Variants in NRXN1 observed in about 807,000 individuals in gnomAD.
NRXN1 encodes the protein neurexin 1, also known as neurexin-1.
Under a neutral mutation model 150.9 loss-of-function variants are expected in NRXN1, and 39 were observed. The observed-to-expected ratio is 0.26, with a 90% CI of 0.20 to 0.34. The LOEUF (loss-of-function observed/expected upper bound fraction) is 0.34, where lower values mean the gene tolerates loss of function less well. Ranked by LOEUF, NRXN1 falls within the 10% of genes least tolerant of loss-of-function variation. The pLI is 1.00. For synonymous variants in NRXN1, 924 were observed against 757.0 expected (o/e 1.22, Z -3.62); for missense variants, 1,815 against 1,949.9 (o/e 0.93, Z 1.30).
intron 2 of NRXN1, among the ~76,000 whole-genome samples, chr2:50,971,168 A>T (rs1694932141): frequency 6.6e-6 from 1 of 152,194 alleles, no homozygotes; most frequent in Non-Finnish European, 1.5e-5. Context: ...TTCATATTTC[A>T]ATATTCACCT....
chr2:50,071,314 G>T (rs907231168), intron 19 of NRXN1, among the ~76,000 whole-genome samples: 2 of 152,170 alleles, frequency 1.3e-5, no homozygotes, highest in Non-Finnish European at 2.9e-5. Flanking sequence ...ACTGTTATGA[G>T]CTCAATTGTT....
intron 8 of NRXN1, among the ~76,000 whole-genome samples, chr2:50,564,025 G>A (rs1046359610): frequency 6.6e-6 from 1 of 152,140 alleles, no homozygotes; most frequent in Non-Finnish European, 1.5e-5. Flanking sequence ...GTATAAGTTT[G>A]TTCTGTAATT....
rs560383077 is a variant in NRXN1, at chr2:50,172,204, T to C, written c.3546+64585A>G. Among the ~76,000 whole-genome samples, 49 of 152,180 alleles carry C rather than the reference T, an allele frequency of 3.2e-4. 3 individuals carry two copies. The stretch of plus-strand genomic sequence containing the variant: ...TTATTAATAACATTTTTGGTGGTAT[T>C]GTCTTATGCTTGACTAATTTGTAAA... On this transcript the variant is annotated intron_variant, in intron 18 of 22. Coordinates refer to ENST00000401669, the MANE Select transcript of NRXN1 (RefSeq NM_001330078.2).
chr2:50,359,768 T>C lies in NRXN1; in HGVS notation c.3364+105674A>G, dbSNP rs188588067. Among the ~76,000 whole-genome samples the C allele has an allele frequency of 5.3e-3, 799 of 152,036 alleles. 4 individuals carry two copies. The highest frequency in any genetic ancestry group is 6.7e-3 in the Non-Finnish European group (459 of 68,006). On this transcript the variant is annotated intron_variant, in intron 17 of 22. Transcript: ENST00000401669. Reference sequence around the variant, plus strand: ...GGAAATACAGAGAACACCACAAAGATACTCCTCAAGAAGAGCAACCCCAAA... The same window carrying C: ...GGAAATACAGAGAACACCACAAAGACACTCCTCAAGAAGAGCAACCCCAAA...
At chr2:50,279,692 C>G (rs1374323176) in intron 17 of NRXN1, among the ~76,000 whole-genome samples, 1 of 151,182 alleles carries the variant, frequency 6.6e-6, no homozygotes, top group African/African-American at 2.4e-5. Flanking sequence ...TTAAATAGTG[C>G]TTGTTTATAG....
intron 8 of NRXN1, among the ~76,000 whole-genome samples, chr2:50,582,294 T>C (rs1573639443): frequency 1.3e-5 from 2 of 150,928 alleles, no homozygotes; most frequent in African/African-American, 4.9e-5. Context: ...CTTTGAGAGG[T>C]GGAGGACTGC....
At chr2:50,653,835 T>C (rs1188892813) in intron 5 of NRXN1, among the ~76,000 whole-genome samples, 1 of 151,988 alleles carries the variant, frequency 6.6e-6, no homozygotes, top group Non-Finnish European at 1.5e-5. Flanking sequence ...ATTTCCTCTT[T>C]AGAACCTAGC....
chr2:50,279,043 A>G lies in NRXN1; in HGVS notation c.3365-42073T>C, dbSNP rs2071049351. On this transcript the variant is annotated intron_variant, in intron 17 of 22. Transcript: ENST00000401669. Reference sequence around the variant, plus strand: ...TTTTTATATTTTAAGGCTTAAAATAACATGGGTTTAAACATTTTGATATCT... The same window carrying G: ...TTTTTATATTTTAAGGCTTAAAATAGCATGGGTTTAAACATTTTGATATCT... Among the ~76,000 whole-genome samples, 4 of 152,326 alleles carry G rather than the reference A, an allele frequency of 2.6e-5. No homozygotes were observed. The South Asian group carries it at 8.3e-4, about 32-fold the overall frequency.
chr2:50,290,964 G>C (rs2072847559), intron 17 of NRXN1, among the ~76,000 whole-genome samples: 1 of 152,014 alleles, frequency 6.6e-6, no homozygotes, highest in African/African-American at 2.4e-5. Context: ...CTGCAGTTGA[G>C]GTGCAATTAC....
chr2:50,861,367 C>T (rs1676106775), intron 5 of NRXN1, among the ~76,000 whole-genome samples: 1 of 152,068 alleles, frequency 6.6e-6, no homozygotes, highest in African/African-American at 2.4e-5. Flanking sequence ...CATGCGCCAC[C>T]ACACCCAGCT....
intron 2 of NRXN1, among the ~76,000 whole-genome samples, chr2:50,998,474 T>G (rs1055540762): frequency 6.6e-6 from 1 of 152,078 alleles, no homozygotes; most frequent in Non-Finnish European, 1.5e-5. Flanking sequence ...GCAAATCATA[T>G]TGTTTTAATA....
chr2:50,925,516 C>T (rs1686727954), intron 3 of NRXN1, among the ~76,000 whole-genome samples: 2 of 151,702 alleles, frequency 1.3e-5, no homozygotes, highest in South Asian at 4.1e-4. Context: ...TTAAACAAAC[C>T]AATGGGCTTG....
rs375417866 is a variant in NRXN1, at chr2:50,538,633, G to A, written c.1763C>T (p.Thr588Ile). 12 of 1,480,174 alleles carry A rather than the reference G, an allele frequency of 8.1e-6. No individual in the cohort carries two copies. The highest frequency in any genetic ancestry group is 9.9e-6 in the Non-Finnish European group (11 of 1,112,902). 91.7% of individuals were successfully genotyped at this position (1,480,174 alleles called of 1,614,324 possible). The change falls in exon 10 of 23, where the codon ACC (threonine) becomes ATC (isoleucine). Residue 588 changes from threonine to isoleucine, a missense_variant. This residue lies in a region of NRXN1 where 638 missense variants were observed against 652.6 expected (regional missense o/e 0.98). Transcript: ENST00000401669. ...VDFQRDGRSG[T>I]ISVNTLRTPY... Reference sequence around the variant, plus strand: ...AGTACGCAACGTGTTGACAGAAATGGTACCTATTTCAAAGAGAGGAGAATG... The same window carrying A: ...AGTACGCAACGTGTTGACAGAAATGATACCTATTTCAAAGAGAGGAGAATG...
intron 17 of NRXN1, among the ~76,000 whole-genome samples, chr2:50,356,526 C>A (rs983442400): frequency 6.6e-6 from 1 of 152,138 alleles, no homozygotes; most frequent in African/African-American, 2.4e-5. Flanking sequence ...CTTTCCCTCA[C>A]ATTTTCTCTG....
At chr2:50,808,851 A>C (rs1418106155) in intron 5 of NRXN1, among the ~76,000 whole-genome samples, 1 of 152,112 alleles carries the variant, frequency 6.6e-6, no homozygotes, top group Non-Finnish European at 1.5e-5. Flanking sequence ...AACCATAACA[A>C]GCTTTAAGGA....
chr2:50,390,445 A>C (rs1401264917), intron 17 of NRXN1, among the ~76,000 whole-genome samples: 1 of 152,176 alleles, frequency 6.6e-6, no homozygotes, highest in Non-Finnish European at 1.5e-5. Context: ...TAATTTACAC[A>C]GGCTAGTGTG....
chr2:50,922,671 C>G lies in NRXN1; in HGVS notation c.807G>C (p.Met269Ile). 1.9e-6 allele frequency: 3 copies of G among 1,610,564 alleles called. No homozygotes were observed. Among genetic ancestry groups the G allele is most frequent in the Admixed American group, 1.7e-5 (1 of 59,666 alleles). Reference sequence around the variant, plus strand: ...CAGAGCCCATACCTTGGTCGCCCATCATCAGGTGCGCCAGACCTTGAAGGG... The same window carrying G: ...CAGAGCCCATACCTTGGTCGCCCATGATCAGGTGCGCCAGACCTTGAAGGG... ...DNNVEGLAHL[M>I]MGDQGKSKGK... is the part of the protein sequence containing the mutation. Residue 269 changes from methionine to isoleucine, a missense_variant, in exon 4 of 23, where the codon ATG becomes ATC. Met to Ile is a conservative substitution (Grantham distance 10, BLOSUM62 1). Transcript: ENST00000401669.
chr2:50,794,874 C>T (rs2105635419), intron 5 of NRXN1, among the ~76,000 whole-genome samples: 1 of 152,118 alleles, frequency 6.6e-6, no homozygotes, highest in African/African-American at 2.4e-5. Context: ...TGGCTGAAAA[C>T]ATTTTTCAGA....
chr2:50,360,363 C>G (rs1344418755), intron 17 of NRXN1, among the ~76,000 whole-genome samples: 1 of 152,138 alleles, frequency 6.6e-6, no homozygotes, highest in African/African-American at 2.4e-5. Flanking sequence ...TCAGGAGACC[C>G]ATCTCATATA....
Sources: allele counts gnomAD v4.1 joint callset (sites outside exome capture counted in the v4.1 genomes callset), GRCh38; gene constraint gnomAD v4.1.1; regional missense constraint gnomAD v4.1.1; transcripts MANE v1.5; gene names NCBI Gene and HGNC (gene_info 2026-07-23, HGNC 2026-07-21).